GNA14: variants seen among roughly 807,000 people sequenced by gnomAD.
GNA14 encodes the protein G protein subunit alpha 14, also known as guanine nucleotide-binding protein subunit alpha-14.
GNA14 carries 50 observed loss-of-function variants against 42.0 expected under a neutral mutation model. That is an observed-to-expected ratio of 1.19 (90% CI 0.95 to 1.51). The LOEUF (loss-of-function observed/expected upper bound fraction) is 1.51. Ranked by LOEUF, GNA14 falls within the 40% of genes most tolerant of loss-of-function variation. GNA14 has a pLI of 0.00. For synonymous variants in GNA14, 173 were observed against 163.1 expected (o/e 1.06, Z -0.46); for missense variants, 473 against 446.2 (o/e 1.06, Z -0.54).
intron 1 of GNA14, among the ~76,000 whole-genome samples, chr9:77,548,604 G>C (rs948999506): frequency 1.3e-5 from 2 of 152,136 alleles, no homozygotes; most frequent in East Asian, 3.9e-4. Context: ...TCCACATATA[G>C]CAAATTTTTT....
chr9:77,513,265 C>G (rs1837198241), intron 2 of GNA14, among the ~76,000 whole-genome samples: 1 of 152,190 alleles, frequency 6.6e-6, no homozygotes, highest in Admixed American at 6.5e-5. Context: ...AAGAAGCATA[C>G]AGAACAATAG....
intron 2 of GNA14, among the ~76,000 whole-genome samples, chr9:77,455,800 A>T (rs1835988483): frequency 6.6e-6 from 1 of 152,190 alleles, no homozygotes; most frequent in African/African-American, 2.4e-5. Flanking sequence ...CACTTTAGCT[A>T]GTGGGAAGCT....
intron 2 of GNA14, among the ~76,000 whole-genome samples, chr9:77,493,850 C>A (rs1421863436): frequency 1.3e-5 from 2 of 152,176 alleles, no homozygotes; most frequent in African/African-American, 4.8e-5. Context: ...ATTATCTTTA[C>A]AACCATCTTG....
intron 2 of GNA14, among the ~76,000 whole-genome samples, chr9:77,444,336 G>C (rs959140648): frequency 6.6e-6 from 1 of 152,148 alleles, no homozygotes; most frequent in Non-Finnish European, 1.5e-5. Flanking sequence ...CTCCTGCCTG[G>C]ATCTTCTCCT....
intron 2 of GNA14, among the ~76,000 whole-genome samples, chr9:77,510,831 C>A (rs889989563): frequency 1.3e-5 from 2 of 152,030 alleles, no homozygotes; most frequent in African/African-American, 2.4e-5. Context: ...AGTTTCCATG[C>A]AGAGAAAGGG....
At chr9:77,644,319 T>TG (rs1316485350) in intron 1 of GNA14, among the ~76,000 whole-genome samples, 1 of 150,712 alleles carries the variant, frequency 6.6e-6, no homozygotes, top group East Asian at 2.0e-4. Context: ...CCCAGCATGG[T>TG]GGCTCACGCC....
At chr9:77,554,773 C>T (rs1822736748) in intron 1 of GNA14, among the ~76,000 whole-genome samples, 1 of 152,168 alleles carries the variant, frequency 6.6e-6, no homozygotes, top group South Asian at 2.1e-4. Context: ...GTTTATTACC[C>T]TGTGCTGGAA....
At chr9:77,465,614 T>C (rs1015124819) in intron 2 of GNA14, among the ~76,000 whole-genome samples, 9 of 152,156 alleles carry the variant, frequency 5.9e-5, no homozygotes, top group Admixed American at 3.3e-4. Flanking sequence ...CCATCACCAA[T>C]GTATGAGAGT....
chr9:77,445,835 T>C (rs1216130926), intron 2 of GNA14, among the ~76,000 whole-genome samples: 3 of 152,254 alleles, frequency 2.0e-5, no homozygotes, highest in Non-Finnish European at 4.4e-5. Context: ...TTTCTGTCCC[T>C]GTCACCATCT....
chr9:77,424,254 G>A (rs1201577242), intron 6 of GNA14, 85 bp from the exon 7 acceptor site: 45 of 914,586 alleles, frequency 4.9e-5, no homozygotes, highest in East Asian at 2.6e-4. Context: ...ACAGAGTCTC[G>A]CTCTGTAGCC....
rs80000672 is a variant in GNA14 at position 77,436,230 on chromosome 9, C to T, written c.310-1708G>A. ...GGTAGGATCTCAAACAAGGTCCAGGCAGGATGGATTACTGGAAAGTGCGCT... is the reference window on the plus strand; with the variant it reads ...GGTAGGATCTCAAACAAGGTCCAGGTAGGATGGATTACTGGAAAGTGCGCT... On this transcript the variant is annotated intron_variant, in intron 2 of 6. Transcript: ENST00000341700. Among the ~76,000 whole-genome samples the T allele has an allele frequency of 8.7e-3, 1,331 of 152,172 alleles. 17 individuals are homozygous for T. The highest frequency in any genetic ancestry group is 0.03 in the African/African-American group (1,256 of 41,506).
At position 77,531,823 on chromosome 9, in the gene GNA14, A is replaced by AT. The variant is rs1045949443; in HGVS notation, c.125-2571dup. On this transcript the variant is annotated intron_variant, in intron 1 of 6. Transcript: ENST00000341700. ...CACAAACATTTTTTAAAAGCCACCC[A>AT]TTTTTTATTTCAGACATGGAGTATT... Among the ~76,000 whole-genome samples the AT allele has an allele frequency of 3.3e-5, 5 of 152,248 alleles. No individual in the cohort carries two copies. In the East Asian group the frequency reaches 7.7e-4, roughly 24 times the overall value.
chr9:77,578,455 TG>T (rs1348487691), intron 1 of GNA14, among the ~76,000 whole-genome samples: 1 of 152,198 alleles, frequency 6.6e-6, no homozygotes, highest in Non-Finnish European at 1.5e-5. Flanking sequence ...GTTTAGAGCT[TG>T]TTTGATATTG....
intron 2 of GNA14, among the ~76,000 whole-genome samples, chr9:77,447,089 G>C (rs1477737939): frequency 6.6e-6 from 1 of 151,704 alleles, no homozygotes; most frequent in Non-Finnish European, 1.5e-5. Context: ...TCAGCCTCCC[G>C]AGTAGCTGGG....
intron 1 of GNA14, among the ~76,000 whole-genome samples, chr9:77,570,771 T>C (rs552631301): frequency 1.3e-3 from 194 of 152,290 alleles, no homozygotes; most frequent in African/African-American, 4.5e-3. Flanking sequence ...CCTTGCTGGG[T>C]CGTATGGTAG....
At chr9:77,477,196 A>C (rs558804712) in intron 2 of GNA14, among the ~76,000 whole-genome samples, 2 of 152,144 alleles carry the variant, frequency 1.3e-5, no homozygotes, top group East Asian at 3.9e-4. Flanking sequence ...GTCTCTACTA[A>C]AAATACAAAA....
At chr9:77,483,584 A>G (rs1212740548) in intron 2 of GNA14, among the ~76,000 whole-genome samples, 1 of 152,028 alleles carries the variant, frequency 6.6e-6, no homozygotes, top group Admixed American at 6.6e-5. Context: ...GAGAACCACT[A>G]CTCTCTTCAA....
chr9:77,544,900 G>C (rs1303125993), intron 1 of GNA14, among the ~76,000 whole-genome samples: 1 of 151,974 alleles, frequency 6.6e-6, no homozygotes, highest in Admixed American at 6.6e-5. Context: ...ATAAGACTTT[G>C]GACTCTCAGC....
At chr9:77,539,663 T>C (rs1223088174) in intron 1 of GNA14, among the ~76,000 whole-genome samples, 2 of 152,204 alleles carry the variant, frequency 1.3e-5, no homozygotes, top group Non-Finnish European at 2.9e-5. Context: ...GGAGACATTT[T>C]TATTACTGAT....
Sources: allele counts gnomAD v4.1 joint callset (sites outside exome capture counted in the v4.1 genomes callset), GRCh38; gene constraint gnomAD v4.1.1; transcripts MANE v1.5; gene names NCBI Gene and HGNC (gene_info 2026-07-23, HGNC 2026-07-21).